The following BRIP1 variants were observed in gnomAD, a reference collection of about 807,000 sequenced individuals.
The protein encoded by BRIP1 is BRCA1 interacting DNA helicase 1.
BRIP1 carries 88 observed loss-of-function variants against 119.7 expected under a neutral mutation model. The ratio of observed to expected loss-of-function variants is 0.74; its 90% CI spans 0.62 to 0.88. The LOEUF is 0.88. BRIP1 is among the 40% of genes least tolerant of loss of function. BRIP1 has a pLI of 0.00. For missense variants in BRIP1, 1,259 were observed against 1,455.4 expected (o/e 0.87, Z 2.20); for synonymous variants, 443 against 496.5 (o/e 0.89, Z 1.43).
At chr17:61,838,975 A>C (rs1010918400) in intron 6 of BRIP1, among the ~76,000 whole-genome samples, 2 of 152,128 alleles carry the variant, frequency 1.3e-5, no homozygotes, top group African/African-American at 2.4e-5. Flanking sequence ...CACCTATCCC[A>C]AAATCTACAG....
intron 17 of BRIP1, among the ~76,000 whole-genome samples, chr17:61,694,695 C>A (rs2061497034): frequency 1.3e-5 from 2 of 151,796 alleles, no homozygotes; most frequent in African/African-American, 2.4e-5. Context: ...TTATTGTATA[C>A]CCTTCTAAAA....
At chr17:61,733,402 G>A (rs2076876900) in intron 16 of BRIP1, among the ~76,000 whole-genome samples, 1 of 152,010 alleles carries the variant, frequency 6.6e-6, no homozygotes, top group African/African-American at 2.4e-5. Context: ...ATAATATTTT[G>A]ACAGTTGAAA....
At chr17:61,850,322 G>C (rs1341469947) in intron 4 of BRIP1, among the ~76,000 whole-genome samples, 3 of 151,562 alleles carry the variant, frequency 2.0e-5, no homozygotes, top group African/African-American at 7.3e-5. Flanking sequence ...GGCTGGTCTC[G>C]AACTCCTGAC....
At position 61,825,289 on chromosome 17, in the gene BRIP1, C is replaced by T. The variant is rs374385000; in HGVS notation, c.628-16532G>A. On this transcript the variant is annotated intron_variant, in intron 6 of 19. Coordinates refer to ENST00000259008, the MANE Select transcript of BRIP1 (RefSeq NM_032043.3). The surrounding 1 kb of genome is among the most constrained non-coding windows in gnomAD (Gnocchi z 4.1). ...GACAGAGCAAGACTCTGTCTCAAAA[C>T]GAAAAAAAAAAGAAAAGAAAAGAAA... Among the ~76,000 whole-genome samples the T allele has an allele frequency of 2.2e-4, 31 of 143,524 alleles. No individual in the cohort carries two copies. Among genetic ancestry groups the T allele is most frequent in the African/African-American group, 5.9e-4 (23 of 38,758 alleles). The allele number at this position is 143,524 out of a possible 152,430, so 94.2% of individuals were successfully genotyped here.
rs1376648020 is a variant in BRIP1 at position 61,822,924 on chromosome 17, T to C, written c.628-14167A>G. On this transcript the variant is annotated intron_variant, in intron 6 of 19. Transcript: ENST00000259008. This position sits in a 1 kb window ranked among gnomAD's most constrained non-coding sequence, Gnocchi z 4.4. ...AAGTTTCAAGAAGGCTGAGGAACTA[T>C]GGTCAAAATAGCAGATCATCAACAC... 6.6e-6 allele frequency among the ~76,000 whole-genome samples: 1 copy of C among 152,192 alleles called. No individual in the cohort carries two copies. Among genetic ancestry groups the C allele is most frequent in the Non-Finnish European group, 1.5e-5 (1 of 68,030 alleles).
rs889645565 is a variant in BRIP1 at position 61,856,991 on chromosome 17, G to A, written c.379+67C>T. On this transcript the variant is annotated intron_variant, in intron 4 of 19. Transcript: ENST00000259008. The surrounding 1 kb of genome is among the most constrained non-coding windows in gnomAD (Gnocchi z 5.1). ...GCTAACCAAACTTATATAAATTAGG[G>A]CTTATAACAGTAATAATTAAGACTC... The A allele has an allele frequency of 6.9e-7, 1 of 1,448,118 alleles. No individual in the cohort carries two copies. The highest frequency in any genetic ancestry group is 2.3e-5 in the East Asian group (1 of 43,994). 89.7% of individuals were successfully genotyped at this position (1,448,118 alleles called of 1,614,324 possible). A position where few individuals can be genotyped will look rare whatever the true frequency, so the allele number is the denominator to read the frequency against.
chr17:61,696,820 C>T (rs2144218762), intron 17 of BRIP1, among the ~76,000 whole-genome samples: 1 of 151,292 alleles, frequency 6.6e-6, no homozygotes, highest in Non-Finnish European at 1.5e-5. Flanking sequence ...CCTGTCTCTA[C>T]TAAATATACA....
chr17:61,685,533 G>A, intron 19 of BRIP1: 1 of 446,696 alleles, frequency 2.2e-6, no homozygotes. Context: ...CCAACCTGAA[G>A]GGATAGCTAG....
intron 16 of BRIP1, among the ~76,000 whole-genome samples, chr17:61,732,186 T>C (rs1391673196): frequency 6.6e-6 from 1 of 151,918 alleles, no homozygotes; most frequent in African/African-American, 2.4e-5. Context: ...TTTCATTATG[T>C]TGGCCAGGTT....
Position 61,743,216 on chromosome 17 carries a change from A to T in BRIP1, c.2258-82T>A. The T allele has an allele frequency of 6.7e-7, 1 of 1,491,898 alleles. No individual in the cohort carries two copies. Among genetic ancestry groups the T allele is most frequent in the Non-Finnish European group, 9.3e-7 (1 of 1,077,418 alleles). The allele number at this position is 1,491,898 out of a possible 1,614,324, so 92.4% of individuals were successfully genotyped here. A position where few individuals can be genotyped will look rare whatever the true frequency, so the allele number is the denominator to read the frequency against. On this transcript the variant is annotated intron_variant, in intron 15 of 19. Transcript: ENST00000259008. The surrounding 1 kb of genome is among the most constrained non-coding windows in gnomAD (Gnocchi z 4.3). ...TTTTGAAAATACCTGATTTATAATT[A>T]TAGTAATTACAGTAGCAAATTTAAA...
Position 61,846,972 on chromosome 17 carries a change from G to A in BRIP1, c.627+129C>T. 9.8e-7 allele frequency: 1 copy of A among 1,025,122 alleles called. No homozygotes were observed. The highest frequency in any genetic ancestry group is 1.5e-6 in the Non-Finnish European group (1 of 676,788). The allele number at this position is 1,025,122 out of a possible 1,614,324, so 63.5% of individuals were successfully genotyped here. A position where few individuals can be genotyped will look rare whatever the true frequency, so the allele number is the denominator to read the frequency against. ...ACACATTAGTAACAGAGATGTGACAGCATTGAGGACTTCTGAGTGGGTTGC... is the reference window on the plus strand; with the variant it reads ...ACACATTAGTAACAGAGATGTGACAACATTGAGGACTTCTGAGTGGGTTGC... On this transcript the variant is annotated intron_variant, in intron 6 of 19. Transcript: ENST00000259008. The surrounding 1 kb of genome is among the most constrained non-coding windows in gnomAD (Gnocchi z 4.3).
chr17:61,848,344 G>C lies in BRIP1; in HGVS notation c.507+785C>G, dbSNP rs995881744. On this transcript the variant is annotated intron_variant, in intron 5 of 19. Transcript: ENST00000259008. The surrounding 1 kb of genome is among the most constrained non-coding windows in gnomAD (Gnocchi z 4.3). Reference sequence around the variant, plus strand: ...GTCTGTAGGGCTACATGTCTGATGAGCCTGTAGGGCTCATGCCACCACACC... The same window carrying C: ...GTCTGTAGGGCTACATGTCTGATGACCCTGTAGGGCTCATGCCACCACACC... 1.3e-5 allele frequency among the ~76,000 whole-genome samples: 2 copies of C among 150,370 alleles called. No homozygotes were observed. The highest frequency in any genetic ancestry group is 4.9e-5 in the African/African-American group (2 of 40,512).
At position 61,717,647 on chromosome 17, in the gene BRIP1, A is replaced by G. The variant is rs1210035283; in HGVS notation, c.2380-1584T>C. The stretch of plus-strand genomic sequence containing the variant: ...TTTTAGCGACTTTGGATTGGATTAC[A>G]GTGTGCTGTTGTGTGTATTTTGCTT... On this transcript the variant is annotated intron_variant, in intron 16 of 19. Transcript: ENST00000259008. This position sits in a 1 kb window ranked among gnomAD's most constrained non-coding sequence, Gnocchi z 4.1. Among the ~76,000 whole-genome samples, 3 of 152,002 alleles carry G rather than the reference A, an allele frequency of 2.0e-5. No individual in the cohort carries two copies. The highest frequency in any genetic ancestry group is 4.4e-5 in the Non-Finnish European group (3 of 67,962).
Position 61,809,506 on chromosome 17 carries a change from T to C in BRIP1, c.628-749A>G, listed in dbSNP as rs1394971603. Among the ~76,000 whole-genome samples the C allele has an allele frequency of 2.6e-5, 4 of 152,098 alleles. No homozygotes were observed. Among genetic ancestry groups the C allele is most frequent in the African/African-American group, 4.8e-5 (2 of 41,418 alleles). On this transcript the variant is annotated intron_variant, in intron 6 of 19. Transcript: ENST00000259008. The surrounding 1 kb of genome is among the most constrained non-coding windows in gnomAD (Gnocchi z 5.2). ...TATAAATGTCTCTTTAAACAAACCA[T>C]ATGGAACATCAGGAATATAGTCTAC...
At chr17:61,849,524 T>C (rs1327656400) in intron 4 of BRIP1, among the ~76,000 whole-genome samples, 1 of 152,216 alleles carries the variant, frequency 6.6e-6, no homozygotes, top group Non-Finnish European at 1.5e-5. Flanking sequence ...AATAACATGA[T>C]TTAAAATGTA....
rs189994834 is a variant in BRIP1, at chr17:61,783,912, A to C, written c.1628+358T>G. On this transcript the variant is annotated intron_variant, in intron 11 of 19. Transcript: ENST00000259008. ...CAACATAGTGAGATCTCATCTCTAC[A>C]AAAAAAATAAAAATTAAAAAATTAG... 1.0e-4 allele frequency: 18 copies of C among 179,744 alleles called. 1 individual carries two copies. Among genetic ancestry groups the C allele is most frequent in the Admixed American group, 8.8e-4 (15 of 17,138 alleles). The allele number at this position is 179,744 out of a possible 1,614,324, so 11.1% of individuals were successfully genotyped here.
Position 61,856,922 on chromosome 17 carries a change from A to T in BRIP1, c.379+136T>A. Reference sequence around the variant, plus strand: ...ATTTTTGACCACTCTGTGCTATTTTAAAATCATTCCAGAGAAACTAGATAG... The same window carrying T: ...ATTTTTGACCACTCTGTGCTATTTTTAAATCATTCCAGAGAAACTAGATAG... On this transcript the variant is annotated intron_variant, in intron 4 of 19. Transcript: ENST00000259008. The surrounding 1 kb of genome is among the most constrained non-coding windows in gnomAD (Gnocchi z 5.1). The T allele has an allele frequency of 1.1e-6, 1 of 896,936 alleles. No individual in the cohort carries two copies. Among genetic ancestry groups the T allele is most frequent in the Non-Finnish European group, 1.8e-6 (1 of 561,618 alleles). 55.6% of individuals were successfully genotyped at this position (896,936 alleles called of 1,614,324 possible). A position where few individuals can be genotyped will look rare whatever the true frequency, so the allele number is the denominator to read the frequency against.
chr17:61,756,282 C>A lies in BRIP1; in HGVS notation c.2098-11691G>T, dbSNP rs1310198531. Among the ~76,000 whole-genome samples, 1 of 152,158 alleles carries A rather than the reference C, an allele frequency of 6.6e-6. No individual in the cohort carries two copies. The highest frequency in any genetic ancestry group is 6.5e-5 in the Admixed American group (1 of 15,280). ...ACAAAAATAACTCAATTGTTAAATT[C>A]TCTTAGGTATCCTAACTAGGCACCT... On this transcript the variant is annotated intron_variant, in intron 14 of 19. Coordinates refer to ENST00000259008, the MANE Select transcript of BRIP1 (RefSeq NM_032043.3). This position sits in a 1 kb window ranked among gnomAD's most constrained non-coding sequence, Gnocchi z 4.3.
intron 17 of BRIP1, among the ~76,000 whole-genome samples, chr17:61,698,228 C>T (rs1175638213): frequency 6.6e-6 from 1 of 152,114 alleles, no homozygotes; most frequent in Non-Finnish European, 1.5e-5. Flanking sequence ...CTTCTGATTT[C>T]TTCTTTGACC....
Sources: gnomAD v4.1 joint callset for allele counts (sites outside exome capture counted in the v4.1 genomes callset) on GRCh38, gnomAD v4.1.1 for gene constraint, Gnocchi (gnomAD v3.1) non-coding constraint, MANE v1.5 for transcripts, NCBI Gene and HGNC (gene_info 2026-07-23, HGNC 2026-07-21) for gene names.